ZNF883: variants seen among roughly 807,000 people sequenced by gnomAD.
ZNF883 encodes the protein zinc finger protein 883.
chr9:112,988,359 C>T (rs1442735657), intron 1 of ZNF883, among the ~76,000 whole-genome samples: 2 of 152,102 alleles, frequency 1.3e-5, no homozygotes, highest in African/African-American at 2.4e-5. Flanking sequence ...CATGTGTTCT[C>T]ATTGTTCAGC....
upstream of ZNF883, among the ~76,000 whole-genome samples, chr9:113,000,012 G>A (rs1382588287): frequency 1.3e-5 from 2 of 151,970 alleles, no homozygotes; most frequent in Admixed American, 6.6e-5. Flanking sequence ...ATAAACTCAA[G>A]TATGATTTTT....
chr9:112,990,868 C>A (rs770103841), intron 1 of ZNF883, among the ~76,000 whole-genome samples: 2 of 152,088 alleles, frequency 1.3e-5, no homozygotes, highest in Non-Finnish European at 2.9e-5. Flanking sequence ...GGAATGTATC[C>A]ATTTCTTCTA....
downstream of ZNF883, among the ~76,000 whole-genome samples, chr9:112,993,959 G>A (rs1411608): frequency 0.69 from 105,509 of 152,112 alleles, 37,474 homozygotes; most frequent in East Asian, 0.89. Context: ...TCCTCCTACC[G>A]GGAACTCAAG....
At chr9:113,003,480 T>C (rs1054444053) in intron 2 of ZNF883, among the ~76,000 whole-genome samples, 2 of 152,136 alleles carry the variant, frequency 1.3e-5, no homozygotes, top group African/African-American at 2.4e-5. Context: ...GCAGTTTATG[T>C]AGTCCTTTTC....
At chr9:112,990,328 T>C (rs1205181275) in intron 1 of ZNF883, among the ~76,000 whole-genome samples, 1 of 152,240 alleles carries the variant, frequency 6.6e-6, no homozygotes, top group Non-Finnish European at 1.5e-5. Context: ...CATGAAGGGA[T>C]GTTGAATTTT....
intron 2 of ZNF883, among the ~76,000 whole-genome samples, chr9:113,006,307 C>T (rs1467253900): frequency 6.6e-6 from 1 of 152,124 alleles, no homozygotes; most frequent in Non-Finnish European, 1.5e-5. Context: ...AGCACCCCCT[C>T]TTCCCAGAAA....
downstream of ZNF883, among the ~76,000 whole-genome samples, chr9:112,996,367 A>G (rs1181931615): frequency 2.0e-5 from 3 of 152,206 alleles, no homozygotes; most frequent in Non-Finnish European, 4.4e-5. Flanking sequence ...GAAATCTGTC[A>G]ATTTTATTTT....
chr9:113,010,374 C>T (rs1270041537), intron 2 of ZNF883, among the ~76,000 whole-genome samples: 1 of 152,216 alleles, frequency 6.6e-6, no homozygotes, highest in Non-Finnish European at 1.5e-5. Context: ...TCACTTCTTA[C>T]AGCCCTCTCG....
At chr9:112,996,507 T>TA (rs1828355319), downstream of ZNF883, among the ~76,000 whole-genome samples, 1 of 152,116 alleles carries the variant, frequency 6.6e-6, no homozygotes, top group Non-Finnish European at 1.5e-5. Flanking sequence ...AAGGTTTTTT[T>TA]ATGGCCGGGC....
At chr9:113,002,128 C>T (rs949927129), upstream of ZNF883, 4 of 152,066 alleles carry the variant, frequency 2.6e-5, no homozygotes, top group African/African-American at 2.4e-5. Context: ...CAGACATTTA[C>T]GAAAGAAACA....
chr9:112,990,547 T>G (rs1274044327), intron 1 of ZNF883, among the ~76,000 whole-genome samples: 1 of 152,204 alleles, frequency 6.6e-6, no homozygotes, highest in Non-Finnish European at 1.5e-5. Flanking sequence ...TGCATCGATG[T>G]TCATCAGGGA....
chr9:113,005,867 T>A (rs1828469389), intron 2 of ZNF883, among the ~76,000 whole-genome samples: 1 of 152,134 alleles, frequency 6.6e-6, no homozygotes, highest in Admixed American at 6.6e-5. Context: ...TCACTATGCA[T>A]CCAGTAAATA....
exon 1 of ZNF883, chr9:112,997,536 A>T (rs922289449): frequency 1.9e-6 from 3 of 1,614,106 alleles, no homozygotes; most frequent in Non-Finnish European, 2.5e-6. Flanking sequence ...GCCTTTCCAC[A>T]TGCATTACAC....
intron 2 of ZNF883, among the ~76,000 whole-genome samples, chr9:113,006,089 T>C (rs1364026046): frequency 1.0e-5 from 1 of 96,032 alleles, no homozygotes; most frequent in African/African-American, 4.9e-5. Context: ...AGTTCAAGCA[T>C]GAAAAATTAA....
chr9:113,002,584 G>A (rs376045532), upstream of ZNF883, among the ~76,000 whole-genome samples: 5 of 152,182 alleles, frequency 3.3e-5, no homozygotes, highest in Admixed American at 6.5e-5. Context: ...TAAATTTTAC[G>A]CAAATCTAAA....
At chr9:113,006,097 T>TAAAAA (rs33952027) in intron 2 of ZNF883, among the ~76,000 whole-genome samples, 176 of 144,384 alleles carry the variant, frequency 1.2e-3, no homozygotes, top group East Asian at 4.0e-3. Flanking sequence ...CATGAAAAAT[T>TAAAAA]AAAAAAAAAA....
At chr9:112,997,890 G>T in exon 1 of ZNF883, 1 of 1,613,872 alleles carries the variant, frequency 6.2e-7, no homozygotes, top group Non-Finnish European at 8.5e-7. Context: ...CAAGGATAGG[G>T]TTTTTCTCCA....
chr9:113,007,235 C>T (rs946021850), intron 2 of ZNF883, among the ~76,000 whole-genome samples: 34 of 152,300 alleles, frequency 2.2e-4, no homozygotes, highest in African/African-American at 6.5e-4. Context: ...GTACCCCTGA[C>T]GGGGTAGATG....
chr9:113,011,484 G>T (rs1237871142), intron 1 of ZNF883, among the ~76,000 whole-genome samples: 1 of 152,162 alleles, frequency 6.6e-6, no homozygotes, highest in African/African-American at 2.4e-5. Flanking sequence ...CTCTTTGTTT[G>T]TTAACAATAC....
Sources: allele counts gnomAD v4.1 joint callset (sites outside exome capture counted in the v4.1 genomes callset), GRCh38; gene constraint gnomAD v4.1.1; transcripts MANE v1.5; gene names NCBI Gene and HGNC (gene_info 2026-07-23, HGNC 2026-07-21).